The following USH2A variants were observed in gnomAD, a reference collection of about 807,000 sequenced individuals.
USH2A encodes usherin.
Under a neutral mutation model 538.9 loss-of-function variants are expected in USH2A, and 443 were observed. The observed-to-expected ratio is 0.82, with a 90% CI of 0.76 to 0.89. USH2A has a LOEUF of 0.89. Ranked by LOEUF, USH2A falls within the 40% of genes least tolerant of loss-of-function variation. The pLI is 0.00. For missense variants in USH2A, 6,633 were observed against 6,324.8 expected (o/e 1.05, Z -1.65); for synonymous variants, 2,413 against 2,273.5 (o/e 1.06, Z -1.75).
chr1:215,633,049 T>C (rs1304483289), intron 70 of USH2A, among the ~76,000 whole-genome samples: 1 of 152,106 alleles, frequency 6.6e-6, no homozygotes, highest in African/African-American at 2.4e-5. Context: ...CAGACAAACA[T>C]ATCTGACTTA....
intron 3 of USH2A, among the ~76,000 whole-genome samples, chr1:216,408,430 C>T (rs189693851): frequency 1.5e-4 from 23 of 152,172 alleles, no homozygotes; most frequent in African/African-American, 4.6e-4. Context: ...ATTACTGAAC[C>T]CAATATATGC....
At chr1:216,355,616 C>T (rs1242109587) in intron 4 of USH2A, among the ~76,000 whole-genome samples, 1 of 151,982 alleles carries the variant, frequency 6.6e-6, no homozygotes, top group Non-Finnish European at 1.5e-5. Flanking sequence ...AAGGGAGGTT[C>T]TTCGGATTAA....
chr1:215,722,130 C>T (rs1343007258), intron 61 of USH2A, among the ~76,000 whole-genome samples: 1 of 151,324 alleles, frequency 6.6e-6, no homozygotes, highest in Non-Finnish European at 1.5e-5. Flanking sequence ...TATTTACTCA[C>T]CCATGTTTTC....
intron 21 of USH2A, among the ~76,000 whole-genome samples, chr1:216,124,955 G>GT (rs1339505776): frequency 1.4e-4 from 20 of 145,554 alleles, no homozygotes; most frequent in African/African-American, 5.0e-5. Context: ...TAGTTAACAG[G>GT]TTTATTCTTC....
chr1:216,288,992 T>G (rs2036942884), intron 11 of USH2A, among the ~76,000 whole-genome samples: 1 of 152,146 alleles, frequency 6.6e-6, no homozygotes, highest in Admixed American at 6.6e-5. Flanking sequence ...TCACCAATAA[T>G]TCCAAGACAT....
chr1:216,204,249 G>C (rs985738068), intron 16 of USH2A: 3 of 152,270 alleles, frequency 2.0e-5, no homozygotes, highest in Admixed American at 1.3e-4. Context: ...CCTATGACAC[G>C]TAAGATACCT....
chr1:215,689,448 C>A (rs747175729), intron 61 of USH2A, among the ~76,000 whole-genome samples: 1 of 152,198 alleles, frequency 6.6e-6, no homozygotes, highest in African/African-American at 2.4e-5. Flanking sequence ...GGGAGACACA[C>A]CTTAAGGTGA....
At chr1:216,188,248 A>C (rs1393243998) in intron 20 of USH2A, among the ~76,000 whole-genome samples, 1 of 151,864 alleles carries the variant, frequency 6.6e-6, no homozygotes, top group Non-Finnish European at 1.5e-5. Flanking sequence ...TGTTACCACT[A>C]ATGCATAGGG....
In USH2A at chr1:215,660,728, G is replaced by A. The variant is rs144582832; in HGVS notation, c.14134-9927C>T. 3.3e-5 allele frequency among the ~76,000 whole-genome samples: 5 copies of A among 152,288 alleles called. No individual in the cohort carries two copies. In the East Asian group the frequency reaches 9.6e-4, roughly 29 times the overall value. ...AGAGCAATTCAATGGATTCTTTAGA[G>A]AAAAGAATTTTATTACTGGTTTCCA... On this transcript the variant is annotated intron_variant, in intron 64 of 71. Transcript: ENST00000307340.
chr1:215,952,334 A>G (rs1666942236), intron 37 of USH2A, among the ~76,000 whole-genome samples: 1 of 152,060 alleles, frequency 6.6e-6, no homozygotes, highest in Non-Finnish European at 1.5e-5. Context: ...TCTTTATCCA[A>G]TTTGCCAGTC....
At chr1:216,022,940 T>C (rs1364337994) in intron 32 of USH2A, among the ~76,000 whole-genome samples, 1 of 152,104 alleles carries the variant, frequency 6.6e-6, no homozygotes. Flanking sequence ...GACATGGAGA[T>C]GCCCAGTGGA....
intron 20 of USH2A, among the ~76,000 whole-genome samples, chr1:216,187,280 C>T (rs1035158499): frequency 2.0e-5 from 3 of 151,870 alleles, no homozygotes; most frequent in African/African-American, 7.2e-5. Flanking sequence ...TGGATCTCAA[C>T]TCCTTAACCC....
chr1:215,829,964 T>G (rs1398233207), intron 47 of USH2A, among the ~76,000 whole-genome samples: 3 of 152,144 alleles, frequency 2.0e-5, no homozygotes, highest in African/African-American at 7.2e-5. Context: ...CCATTACAGC[T>G]TATCTCTCCC....
intron 14 of USH2A, among the ~76,000 whole-genome samples, chr1:216,225,116 C>T (rs946250972): frequency 2.0e-5 from 3 of 151,838 alleles, no homozygotes; most frequent in Admixed American, 1.3e-4. Context: ...GAATTTTTTC[C>T]TTTAAAAAAC....
At chr1:216,356,536 T>C (rs1260204909) in intron 4 of USH2A, among the ~76,000 whole-genome samples, 1 of 152,106 alleles carries the variant, frequency 6.6e-6, no homozygotes, top group Admixed American at 6.6e-5. Context: ...AATATGTATA[T>C]GTATGTTTAT....
intron 4 of USH2A, among the ~76,000 whole-genome samples, chr1:216,362,800 G>A (rs1015055432): frequency 5.3e-5 from 8 of 151,650 alleles, no homozygotes; most frequent in South Asian, 2.1e-4. Flanking sequence ...AAAGTTAGGC[G>A]TGGTGGTGCA....
intron 35 of USH2A, among the ~76,000 whole-genome samples, chr1:215,973,174 CA>C (rs1229191892): frequency 2.0e-5 from 3 of 152,076 alleles, no homozygotes; most frequent in Admixed American, 6.6e-5. Context: ...AACTGAGATA[CA>C]AAGTACCTAA....
intron 23 of USH2A, 25 bp from the exon 24 acceptor site, chr1:216,086,845 C>T (rs2032150320): frequency 1.9e-6 from 3 of 1,548,532 alleles, no homozygotes; most frequent in South Asian, 1.1e-5. Context: ...ATGAGAAATA[C>T]ACCTTCACCA....
chr1:215,989,824 T>C (rs549006070), intron 35 of USH2A, among the ~76,000 whole-genome samples: 55 of 152,034 alleles, frequency 3.6e-4, no homozygotes, highest in Non-Finnish European at 3.7e-4. Context: ...GGGTTTAAGA[T>C]GTAACAAAAA....
Sources: gnomAD v4.1 joint callset for allele counts (sites outside exome capture counted in the v4.1 genomes callset) on GRCh38, gnomAD v4.1.1 for gene constraint, MANE v1.5 for transcripts, NCBI Gene and HGNC (gene_info 2026-07-23, HGNC 2026-07-21) for gene names.